The following FCRL5 variants were observed in gnomAD, a reference collection of about 807,000 sequenced individuals.
The protein encoded by FCRL5 is Fc receptor-like protein 5.
Under a neutral mutation model 92.1 loss-of-function variants are expected in FCRL5, and 79 were observed. The ratio of observed to expected loss-of-function variants is 0.86; its 90% CI spans 0.72 to 1.03. FCRL5 has a LOEUF of 1.03. Ranked by LOEUF, FCRL5 falls within the 50% of genes least tolerant of loss-of-function variation. FCRL5 has a pLI of 0.00. For missense variants in FCRL5, 1,160 were observed against 1,181.1 expected (o/e 0.98, Z 0.26); for synonymous variants, 466 against 469.3 (o/e 0.99, Z 0.09).
In FCRL5 at chr1:157,547,046, T is replaced by A. The variant is rs377114139; in HGVS notation, c.204A>T (p.Arg68Ser). The change falls in exon 3 of 17, where the codon AGA becomes AGT. Residue 68 changes from arginine to serine, a missense_variant. Transcript: ENST00000361835. ...YHRYLGKEIL[R>S]ETPDNILEVQ... is the part of the protein sequence containing the mutation. ...CCTCAAGGATATTGTCTGGGGTTTC[T>A]CTTAGTATTTCTTTCCCAAGGTACC... The A allele has an allele frequency of 9.7e-5, 156 of 1,614,086 alleles. No homozygotes were observed. Among genetic ancestry groups the A allele is most frequent in the Non-Finnish European group, 1.3e-4 (152 of 1,180,054 alleles).
At chr1:157,544,760 C>T (rs1294139946) in intron 4 of FCRL5, 71 bp downstream of exon 4, 3 of 1,580,484 alleles carry the variant, frequency 1.9e-6, no homozygotes, top group Non-Finnish European at 2.6e-6. Context: ...CCTTTTCCTC[C>T]TGTTCTATCT....
chr1:157,540,166 C>G (rs929148349), intron 6 of FCRL5, among the ~76,000 whole-genome samples: 1 of 152,228 alleles, frequency 6.6e-6, no homozygotes, highest in African/African-American at 2.4e-5. Context: ...CCAGGCTACT[C>G]TCACCAGCTC....
intron 10 of FCRL5, 22 bp from the exon 11 acceptor site, chr1:157,521,314 A>T: frequency 6.3e-7 from 1 of 1,577,244 alleles, no homozygotes; most frequent in Non-Finnish European, 8.6e-7. Context: ...CAAAAAGTCA[A>T]CAGCAGTTTC....
rs1460457633 is a variant in FCRL5, at chr1:157,552,396, G to T, written c.-34C>A. The T allele has an allele frequency of 6.2e-7, 1 of 1,613,694 alleles. No homozygotes were observed. The highest frequency in any genetic ancestry group is 1.7e-5 in the Admixed American group (1 of 60,000). Reference sequence around the variant, plus strand: ...GGACCACCAAGGGCTGAGATCAAAAGAGAAGTTTCCTCAATTCCAAAACAG... The same window carrying T: ...GGACCACCAAGGGCTGAGATCAAAATAGAAGTTTCCTCAATTCCAAAACAG... On this transcript the variant is annotated 5_prime_UTR_variant, in exon 1 of 17. Transcript: ENST00000361835.
chr1:157,517,192 G>C (rs1458122356), intron 15 of FCRL5, among the ~76,000 whole-genome samples: 1 of 152,168 alleles, frequency 6.6e-6, no homozygotes, highest in African/African-American at 2.4e-5. Flanking sequence ...GTGAGTGAGG[G>C]TTGATGACAT....
At chr1:157,519,840 G>A in intron 12 of FCRL5, 70 bp from the exon 13 acceptor site, 1 of 1,509,838 alleles carries the variant, frequency 6.6e-7, no homozygotes, top group Non-Finnish European at 9.2e-7. Flanking sequence ...GCTCAGGCAA[G>A]GCTCACTTAG....
intron 7 of FCRL5, among the ~76,000 whole-genome samples, chr1:157,535,856 G>A (rs1433177550): frequency 6.6e-6 from 1 of 151,676 alleles, no homozygotes; most frequent in African/African-American, 2.4e-5. Flanking sequence ...AAGTGAAGAG[G>A]CAGCAGTCAA....
chr1:157,544,969 C>T lies in FCRL5; in HGVS notation c.421G>A (p.Val141Ile), dbSNP rs759915230. Residue 141 changes from valine to isoleucine, a missense_variant, in exon 4 of 17, where the codon GTC (valine) becomes ATC (isoleucine). Coordinates refer to ENST00000361835, the MANE Select transcript of FCRL5 (RefSeq NM_031281.3). ...LNNTIYKNDN[V>I]LAFLNKRTDF... ...GTTCTTTTATTAAGGAATGCCAGGACATTATCATTCTTGTAAATAGTATTA... is the reference window on the plus strand; with the variant it reads ...GTTCTTTTATTAAGGAATGCCAGGATATTATCATTCTTGTAAATAGTATTA... 1.2e-6 allele frequency: 2 copies of T among 1,614,190 alleles called. No individual in the cohort carries two copies. The highest frequency in any genetic ancestry group is 8.5e-7 in the Non-Finnish European group (1 of 1,180,026).
chr1:157,528,026 T>C (rs1650517156), intron 8 of FCRL5, 131 bp from the exon 9 acceptor site: 3 of 1,098,354 alleles, frequency 2.7e-6, no homozygotes, highest in Middle Eastern at 4.6e-4. Context: ...GAAGTCAAAT[T>C]GTTGCTGTTC....
At chr1:157,520,724 C>T (rs540577410) in intron 11 of FCRL5, among the ~76,000 whole-genome samples, 177 bp from the exon 12 acceptor site, 12 of 152,328 alleles carry the variant, frequency 7.9e-5, no homozygotes, top group African/African-American at 2.6e-4. Flanking sequence ...GCCGTCTCTG[C>T]GCCTGAGACA....
Position 157,547,183 on chromosome 1 carries a change from G to A in FCRL5, c.67C>T (p.Pro23Ser). The change falls in exon 3 of 17, where the codon CCC becomes TCC. Residue 23 changes from proline (P) to serine (S), a missense_variant. Physicochemically the swap from Pro to Ser is moderately conservative, Grantham distance 74. Coordinates refer to ENST00000361835, the MANE Select transcript of FCRL5 (RefSeq NM_031281.3). ...VSGQFARTPR[P>S]IIFLQPPWTT... Reference sequence around the variant, plus strand: ...CATGGAGGCTGGAGGAAAATAATGGGCCTGGGTGTCCTTGCTGAAGAGGAA... The same window carrying A: ...CATGGAGGCTGGAGGAAAATAATGGACCTGGGTGTCCTTGCTGAAGAGGAA... The A allele has an allele frequency of 6.2e-7, 1 of 1,613,796 alleles. No homozygotes were observed. Among genetic ancestry groups the A allele is most frequent in the Non-Finnish European group, 8.5e-7 (1 of 1,180,012 alleles).
At chr1:157,546,754 T>C (rs1055910652) in intron 3 of FCRL5, among the ~76,000 whole-genome samples, 189 bp downstream of exon 3, 16 of 152,222 alleles carry the variant, frequency 1.1e-4, no homozygotes, top group African/African-American at 3.9e-4. Context: ...TTTTAATGTT[T>C]AAAATTAAGC....
intron 7 of FCRL5, among the ~76,000 whole-genome samples, chr1:157,536,087 G>T (rs1275232529): frequency 6.6e-6 from 1 of 151,716 alleles, no homozygotes; most frequent in Non-Finnish European, 1.5e-5. Context: ...CGTTACAGGC[G>T]ACCGCCACCA....
chr1:157,549,794 T>C (rs997660443), intron 1 of FCRL5, among the ~76,000 whole-genome samples: 1 of 152,100 alleles, frequency 6.6e-6, no homozygotes, highest in Non-Finnish European at 1.5e-5. Context: ...CTACAATGAA[T>C]TTTAAAAATG....
chr1:157,524,669 C>A, intron 9 of FCRL5, 112 bp from the exon 10 acceptor site: 1 of 1,217,168 alleles, frequency 8.2e-7, no homozygotes, highest in Non-Finnish European at 1.1e-6. Context: ...GCCCTTGTGA[C>A]ATTACTCAAA....
At chr1:157,550,329 G>A (rs1651758437) in intron 1 of FCRL5, among the ~76,000 whole-genome samples, 1 of 152,156 alleles carries the variant, frequency 6.6e-6, no homozygotes, top group African/African-American at 2.4e-5. Flanking sequence ...AGAATTTAAT[G>A]GGACAATATG....
At chr1:157,550,681 A>G (rs1020959064) in intron 1 of FCRL5, among the ~76,000 whole-genome samples, 1 of 152,222 alleles carries the variant, frequency 6.6e-6, no homozygotes, top group Non-Finnish European at 1.5e-5. Context: ...TGAATGGCAT[A>G]TAAAAGATAT....
chr1:157,540,684 T>G (rs1376019388), intron 6 of FCRL5, among the ~76,000 whole-genome samples: 1 of 152,230 alleles, frequency 6.6e-6, no homozygotes, highest in East Asian at 1.9e-4. Context: ...ATGCATGTTT[T>G]GTCCATTACA....
Position 157,516,609 on chromosome 1 carries a change from G to A in FCRL5, c.2813-736C>T, listed in dbSNP as rs368210421. 4.6e-4 allele frequency among the ~76,000 whole-genome samples: 70 copies of A among 152,156 alleles called. No individual in the cohort carries two copies. In the East Asian group the frequency reaches 8.1e-3, roughly 18 times the overall value. On this transcript the variant is annotated intron_variant, in intron 15 of 16. Transcript: ENST00000361835. The stretch of plus-strand genomic sequence containing the variant: ...TACAAATATAGTGTATTTATTTATC[G>A]CACTTATAGAACTATACCCAGCACA...
Sources: allele counts gnomAD v4.1 joint callset (sites outside exome capture counted in the v4.1 genomes callset), GRCh38; gene constraint gnomAD v4.1.1; transcripts MANE v1.5; gene names NCBI Gene and HGNC (gene_info 2026-07-23, HGNC 2026-07-21).